Variants in IL1RAPL2 observed in about 807,000 individuals in gnomAD.
IL1RAPL2 encodes the protein interleukin 1 receptor accessory protein like 2, also known as X-linked interleukin-1 receptor accessory protein-like 2.
A neutral mutation model predicts 44.1 loss-of-function variants in IL1RAPL2; 3 were observed. That is an observed-to-expected ratio of 0.07 (90% confidence interval 0.03 to 0.18). The LOEUF is 0.18. IL1RAPL2 is among the 10% of genes least tolerant of loss of function. The pLI is 1.00. For synonymous variants in IL1RAPL2, 181 were observed against 178.8 expected, an observed-to-expected ratio of 1.01 and a Z score of -0.10; for missense variants, 391 against 496.4, an observed-to-expected ratio of 0.79 and a Z score of 2.02.
intron 5 of IL1RAPL2, among the ~76,000 whole-genome samples, chrX:105,292,741 C>A (rs2034623236): frequency 9.0e-6 from 1 of 111,071 alleles, no homozygotes; most frequent in Admixed American, 9.6e-5. Flanking sequence ...TTAAATCCCT[C>A]AGTTTTAATT....
At chrX:105,172,249 G>T (rs972546343) in intron 2 of IL1RAPL2, among the ~76,000 whole-genome samples, 1 of 112,537 alleles carries the variant, frequency 8.9e-6, no homozygotes, top group South Asian at 3.7e-4. Context: ...AGGGAAGGAG[G>T]TTGGGGATTA....
At chrX:104,593,274 T>C (rs1455847812) in intron 1 of IL1RAPL2, among the ~76,000 whole-genome samples, 1 of 111,846 alleles carries the variant, frequency 8.9e-6, no homozygotes, top group African/African-American at 3.2e-5. Context: ...ATTGGTAGCA[T>C]TCAGGCATCT....
intron 2 of IL1RAPL2, among the ~76,000 whole-genome samples, chrX:104,994,273 C>T (rs1224356852): frequency 9.0e-6 from 1 of 111,397 alleles, no homozygotes; most frequent in Non-Finnish European, 1.9e-5. Flanking sequence ...AGAAGCCAGG[C>T]ATAGCCAAGT....
rs182529174 is a variant in IL1RAPL2, at chrX:105,451,480, A to G, written c.698-32833A>G. ...CCTGGCATTGTTTCTGGTACACAAT[A>G]AATGGTAGCTTTTGTGTATAAGACA... On this transcript the variant is annotated intron_variant, in intron 5 of 10. Transcript: ENST00000372582. Among the ~76,000 whole-genome samples the G allele has an allele frequency of 2.2e-4, 25 of 112,310 alleles. No individual in the cohort carries two copies. The East Asian group carries it at 7.0e-3, about 31-fold the overall frequency.
intron 6 of IL1RAPL2, among the ~76,000 whole-genome samples, chrX:105,688,052 G>A (rs184274830): frequency 1.2e-3 from 137 of 111,591 alleles, no homozygotes; most frequent in African/African-American, 4.3e-3. Context: ...CAATAAACTA[G>A]GTATTGATGG....
Position 105,410,768 on chromosome X carries a change from T to C in IL1RAPL2, c.698-73545T>C, listed in dbSNP as rs748076142. On this transcript the variant is annotated intron_variant, in intron 5 of 10. Coordinates refer to ENST00000372582, the MANE Select transcript of IL1RAPL2 (RefSeq NM_017416.2). ...ACAATACTGGCTTTGCAAGAAATGC[T>C]TAAGGGATTCATACATCTGGAAGTG... 3.6e-5 allele frequency among the ~76,000 whole-genome samples: 4 copies of C among 112,051 alleles called. No homozygotes were observed. The East Asian group carries it at 1.1e-3, about 32-fold the overall frequency.
chrX:105,183,250 G>T (rs1414936055), intron 2 of IL1RAPL2, among the ~76,000 whole-genome samples: 1 of 111,260 alleles, frequency 9.0e-6, no homozygotes, highest in Non-Finnish European at 1.9e-5. Flanking sequence ...GTAGGCGGGG[G>T]GGCAATGGTT....
intron 2 of IL1RAPL2, among the ~76,000 whole-genome samples, chrX:104,772,336 G>A (rs983776360): frequency 3.6e-5 from 4 of 112,190 alleles, no homozygotes; most frequent in Admixed American, 1.9e-4. Context: ...AGTTAAGGCA[G>A]TATCACAATT....
At chrX:104,915,647 C>A (rs1433835583) in intron 2 of IL1RAPL2, among the ~76,000 whole-genome samples, 14 of 110,898 alleles carry the variant, frequency 1.3e-4, no homozygotes, top group Middle Eastern at 4.6e-3. Flanking sequence ...CTTGCCCATG[C>A]CTATGTCCTG....
At chrX:105,494,693 C>A (rs772830587) in intron 6 of IL1RAPL2, among the ~76,000 whole-genome samples, 1 of 111,143 alleles carries the variant, frequency 9.0e-6, no homozygotes, top group African/African-American at 3.3e-5. Flanking sequence ...CTCGCTCTGT[C>A]ACCCAGGCTA....
At chrX:105,149,601 G>A (rs2033208146) in intron 2 of IL1RAPL2, among the ~76,000 whole-genome samples, 1 of 111,094 alleles carries the variant, frequency 9.0e-6, no homozygotes, top group African/African-American at 3.3e-5. Flanking sequence ...GGAGGGCGAG[G>A]TGGGTGGATC....
chrX:104,577,676 C>A (rs939582515), intron 1 of IL1RAPL2, among the ~76,000 whole-genome samples: 1 of 110,223 alleles, frequency 9.1e-6, no homozygotes, highest in Non-Finnish European at 1.9e-5. Flanking sequence ...CAAGGGTGGT[C>A]GGGGTCTGTA....
chrX:104,878,459 G>A (rs1214120666), intron 2 of IL1RAPL2, among the ~76,000 whole-genome samples: 2 of 112,053 alleles, frequency 1.8e-5, no homozygotes, highest in Admixed American at 1.9e-4. Context: ...CTGAGGCACA[G>A]GAAAGTTAAA....
At chrX:104,898,501 C>T (rs1192077574) in intron 2 of IL1RAPL2, among the ~76,000 whole-genome samples, 1 of 112,336 alleles carries the variant, frequency 8.9e-6, no homozygotes, top group South Asian at 3.6e-4. Flanking sequence ...ATCAGAAAAA[C>T]AAAAGGCTGG....
chrX:105,203,536 G>A (rs186388796), intron 3 of IL1RAPL2, among the ~76,000 whole-genome samples: 5 of 111,485 alleles, frequency 4.5e-5, no homozygotes, highest in Admixed American at 2.9e-4. Flanking sequence ...AAAAAGTGTT[G>A]TCTGCATTCA....
chrX:105,710,359 C>CTTTT (rs61023852), intron 6 of IL1RAPL2, among the ~76,000 whole-genome samples: 11 of 65,833 alleles, frequency 1.7e-4, no homozygotes, highest in East Asian at 5.5e-4. Flanking sequence ...GAAAATCCTA[C>CTTTT]TTTTTTTTTT....
At chrX:105,400,809 A>C (rs772904758) in intron 5 of IL1RAPL2, among the ~76,000 whole-genome samples, 4 of 112,001 alleles carry the variant, frequency 3.6e-5, no homozygotes, top group Non-Finnish European at 7.5e-5. Context: ...GTAAGTAAGG[A>C]CTGGGAATTA....
intron 2 of IL1RAPL2, among the ~76,000 whole-genome samples, chrX:104,676,965 A>C (rs991789795): frequency 6.3e-5 from 7 of 111,311 alleles, no homozygotes; most frequent in Non-Finnish European, 1.3e-4. Context: ...TCCTTTAAGC[A>C]CTTCTCTGTA....
rs780574323 is a variant in IL1RAPL2, at chrX:104,911,050, T to A, written c.82+252055T>A. On this transcript the variant is annotated intron_variant, in intron 2 of 10. Transcript: ENST00000372582. ...AAATAGAAAACAAATGATATGGACA[T>A]ATTAATAGAATGTATAATTGATCAA... Among the ~76,000 whole-genome samples the A allele has an allele frequency of 2.7e-5, 3 of 112,025 alleles. No homozygotes were observed. The East Asian group carries it at 8.4e-4, about 31-fold the overall frequency.
Sources: allele counts gnomAD v4.1 joint callset (sites outside exome capture counted in the v4.1 genomes callset), GRCh38; gene constraint gnomAD v4.1.1; transcripts MANE v1.5; gene names NCBI Gene and HGNC (gene_info 2026-07-23, HGNC 2026-07-21).